The following LYRM4 variants were observed in gnomAD, a reference collection of about 807,000 sequenced individuals.
The protein encoded by LYRM4 is LYR motif containing 4.
In LYRM4, 9 loss-of-function variants were observed where a neutral mutation model predicts 11.7. That is an observed-to-expected ratio of 0.77 (90% CI 0.46 to 1.34). LYRM4 has a LOEUF of 1.34. LYRM4 is among the 40% of genes most tolerant of loss of function. The pLI is 0.00. For synonymous variants in LYRM4, 42 were observed against 40.4 expected (o/e 1.04, Z -0.15); for missense variants, 133 against 112.5 (o/e 1.18, Z -0.82).
At chr6:5,193,003 GAC>G (rs1156329371) in intron 2 of LYRM4, among the ~76,000 whole-genome samples, 1 of 152,186 alleles carries the variant, frequency 6.6e-6, no homozygotes, top group African/African-American at 2.4e-5. Flanking sequence ...CAGCCTGGGT[GAC>G]AGTGTGAGGC....
intron 1 of LYRM4, among the ~76,000 whole-genome samples, chr6:5,227,704 A>G (rs567137621): frequency 6.6e-6 from 1 of 152,320 alleles, no homozygotes; most frequent in Admixed American, 6.5e-5. Flanking sequence ...CTGCAGCAGT[A>G]TTTACAATAG....
intron 2 of LYRM4, among the ~76,000 whole-genome samples, chr6:5,164,754 G>A (rs964564285): frequency 6.6e-6 from 1 of 152,064 alleles, no homozygotes; most frequent in African/African-American, 2.4e-5. Flanking sequence ...GATCACTTGA[G>A]GTCAGGAGTT....
chr6:5,193,364 A>G (rs2127694730), intron 2 of LYRM4, among the ~76,000 whole-genome samples: 2 of 152,306 alleles, frequency 1.3e-5, no homozygotes, highest in South Asian at 4.1e-4. Context: ...ACCATTTCAA[A>G]TTGTAGCTTG....
At chr6:5,149,467 T>C (rs1757968545) in intron 2 of LYRM4, among the ~76,000 whole-genome samples, 1 of 152,214 alleles carries the variant, frequency 6.6e-6, no homozygotes. Flanking sequence ...TAGCATGTCG[T>C]AAAGCTGGGA....
chr6:5,174,254 T>C (rs1429247392), intron 2 of LYRM4, among the ~76,000 whole-genome samples: 1 of 152,172 alleles, frequency 6.6e-6, no homozygotes, highest in African/African-American at 2.4e-5. Flanking sequence ...CAGTGAATGC[T>C]CTACAGAGTA....
chr6:5,195,200 A>G (rs1760980973), intron 2 of LYRM4, among the ~76,000 whole-genome samples: 1 of 152,208 alleles, frequency 6.6e-6, no homozygotes, highest in African/African-American at 2.4e-5. Context: ...CTCACCCTAG[A>G]GACCTGGAGG....
At chr6:5,108,033 A>C (rs907601012), downstream of LYRM4, 12 of 152,356 alleles carry the variant, frequency 7.9e-5, no homozygotes, top group African/African-American at 2.6e-4. Context: ...CCTGAAATCA[A>C]AAGTTGTACT....
the LYRM4 span, among the ~76,000 whole-genome samples, chr6:5,090,205 G>T: frequency 1.3e-5 from 2 of 152,198 alleles, no homozygotes; most frequent in African/African-American, 4.8e-5. The surrounding 1 kb of genome is among the most constrained non-coding windows in gnomAD (Gnocchi z 4.8). Flanking sequence ...CTGAGTTAAT[G>T]ACCCTGTCCT....
chr6:5,235,292 G>A (rs1397124267), intron 1 of LYRM4, among the ~76,000 whole-genome samples: 2 of 151,850 alleles, frequency 1.3e-5, no homozygotes, highest in African/African-American at 4.8e-5. Flanking sequence ...ACAGGCATGA[G>A]CCACTGCGCC....
At chr6:5,063,927 G>A in the LYRM4 span, among the ~76,000 whole-genome samples, 7 of 152,192 alleles carry the variant, frequency 4.6e-5, no homozygotes, top group Non-Finnish European at 7.3e-5. Context: ...GCCTCTGGGC[G>A]AAGGGGTTGA....
intron 2 of LYRM4, among the ~76,000 whole-genome samples, chr6:5,154,543 G>A (rs1373272071): frequency 2.6e-5 from 4 of 152,140 alleles, no homozygotes; most frequent in Non-Finnish European, 5.9e-5. Flanking sequence ...TCGGCCGGGC[G>A]CGGTGGCTCA....
chr6:5,044,489 G>C, the LYRM4 span, among the ~76,000 whole-genome samples: 1 of 152,168 alleles, frequency 6.6e-6, no homozygotes, highest in Non-Finnish European at 1.5e-5. Context: ...CCAGTGCCAG[G>C]GTCCAGCTTC....
chr6:5,123,360 C>T (rs1763550022), intron 2 of LYRM4, among the ~76,000 whole-genome samples: 1 of 152,182 alleles, frequency 6.6e-6, no homozygotes, highest in Non-Finnish European at 1.5e-5. Context: ...AGTGGTGGGA[C>T]AGGGGGCGGT....
At chr6:5,172,394 GC>G (rs1198368990) in intron 2 of LYRM4, among the ~76,000 whole-genome samples, 1 of 152,192 alleles carries the variant, frequency 6.6e-6, no homozygotes, top group Non-Finnish European at 1.5e-5. Flanking sequence ...GGGAGAGGAA[GC>G]TCTGGACTGT....
chr6:5,117,193 A>T (rs1214441138), intron 2 of LYRM4, among the ~76,000 whole-genome samples: 4 of 152,242 alleles, frequency 2.6e-5, no homozygotes, highest in African/African-American at 9.6e-5. Flanking sequence ...GCACAGTGCC[A>T]GGCACCTGGC....
rs9504347 is a variant in LYRM4 at position 5,135,548 on chromosome 6, G to A, written c.208-26057C>T. Among the ~76,000 whole-genome samples, 36 of 70,248 alleles carry A rather than the reference G, an allele frequency of 5.1e-4. 2 individuals are homozygous for A. Among genetic ancestry groups the A allele is most frequent in the African/African-American group, 5.0e-4 (6 of 11,890 alleles). The allele number at this position is 70,248 out of a possible 152,430, so 46.1% of individuals were successfully genotyped here. The stretch of plus-strand genomic sequence containing the variant: ...GGTGCGGATCGCTCCTGGGGCTGTG[G>A]AGGGTGCGGATCGCTCCAGGTGTGA... On this transcript the variant is annotated intron_variant, in intron 2 of 2. Coordinates refer to ENST00000330636, the MANE Select transcript of LYRM4 (RefSeq NM_020408.6).
intron 2 of LYRM4, among the ~76,000 whole-genome samples, chr6:5,151,008 C>T (rs1758054918): frequency 6.6e-6 from 1 of 152,092 alleles, no homozygotes; most frequent in Non-Finnish European, 1.5e-5. Flanking sequence ...CATGGCATGG[C>T]TAGAAGTGAC....
rs151217418 is a variant in LYRM4, at chr6:5,215,105, T to C, written c.207+1513A>G. Among the ~76,000 whole-genome samples, 261 of 151,716 alleles carry C rather than the reference T, an allele frequency of 1.7e-3. 2 individuals carry two copies. Among genetic ancestry groups the C allele is most frequent in the African/African-American group, 6.1e-3 (254 of 41,440 alleles). On this transcript the variant is annotated intron_variant, in intron 2 of 2. Transcript: ENST00000330636. ...AAGAAGTGACACAGACAATTAGATA[T>C]AGCGGGAGAAATGATGGCACAGATT... is the stretch of plus-strand genomic sequence containing the variant.
intron 2 of LYRM4, among the ~76,000 whole-genome samples, chr6:5,162,822 TTC>T (rs1193430021): frequency 6.6e-6 from 1 of 152,200 alleles, no homozygotes; most frequent in Admixed American, 6.5e-5. Context: ...TACATACATA[TTC>T]TCTCATTAGA....
Sources: gnomAD v4.1 joint callset for allele counts (sites outside exome capture counted in the v4.1 genomes callset) on GRCh38, gnomAD v4.1.1 for gene constraint, Gnocchi (gnomAD v3.1) non-coding constraint, MANE v1.5 for transcripts, NCBI Gene and HGNC (gene_info 2026-07-23, HGNC 2026-07-21) for gene names.